ARHGEF17: variants seen among roughly 807,000 people sequenced by gnomAD.
ARHGEF17 encodes 164 kDa Rho-specific guanine-nucleotide exchange factor.
ARHGEF17 carries 80 observed loss-of-function variants against 174.0 expected under a neutral mutation model. The ratio of observed to expected loss-of-function variants is 0.46; its 90% CI spans 0.38 to 0.55. The LOEUF is 0.55. Ranked by LOEUF, ARHGEF17 falls within the 20% of genes least tolerant of loss-of-function variation. The pLI, the probability that ARHGEF17 is intolerant of heterozygous loss-of-function variation, is 0.00. For missense variants in ARHGEF17, 2,886 were observed against 2,839.7 expected (o/e 1.02, Z -0.37); for synonymous variants, 1,311 against 1,189.1 (o/e 1.10, Z -2.11).
chr11:73,355,969 G>A lies in ARHGEF17; in HGVS notation c.3663+16G>A, dbSNP rs1865630608. On this transcript the variant is annotated intron_variant, in intron 5 of 20. Transcript: ENST00000263674. ...TCTGGTGAAGGTGGGCATGGACCTGGGTGGGCAAGTGGGCAAGGCCTGGAA... is the reference window on the plus strand; with the variant it reads ...TCTGGTGAAGGTGGGCATGGACCTGAGTGGGCAAGTGGGCAAGGCCTGGAA... The A allele has an allele frequency of 6.2e-7, 1 of 1,613,908 alleles. No homozygotes were observed. Among genetic ancestry groups the A allele is most frequent in the Non-Finnish European group, 8.5e-7 (1 of 1,179,992 alleles).
rs767783293 is a variant in ARHGEF17, at chr11:73,365,105, C to T, written c.5551-285C>T. 4.0e-5 allele frequency: 17 copies of T among 427,664 alleles called. No homozygotes were observed. The highest frequency in any genetic ancestry group is 7.2e-5 in the Non-Finnish European group (17 of 235,954). The allele number at this position is 427,664 out of a possible 1,614,324, so 26.5% of individuals were successfully genotyped here. ...CCTTTCCCTTCTAGGCTTCAGCTTC[C>T]CCACCTGTCCAGGGGGAGGCCAGTG... On this transcript the variant is annotated intron_variant, in intron 18 of 20. Coordinates refer to ENST00000263674, the MANE Select transcript of ARHGEF17 (RefSeq NM_014786.4). This position sits in a 1 kb window ranked among gnomAD's most constrained non-coding sequence, Gnocchi z 4.9.
At chr11:73,349,460 C>T (rs1485058359) in intron 2 of ARHGEF17, among the ~76,000 whole-genome samples, 5 of 152,032 alleles carry the variant, frequency 3.3e-5, no homozygotes, top group Non-Finnish European at 2.9e-5. Context: ...ACTAGAAATA[C>T]AAAAATCAGC....
chr11:73,316,616 C>T (rs1490651157), intron 1 of ARHGEF17, among the ~76,000 whole-genome samples: 2 of 152,132 alleles, frequency 1.3e-5, no homozygotes, highest in Non-Finnish European at 2.9e-5. Context: ...ACAGCAGATG[C>T]AAAGGCACTG....
intron 3 of ARHGEF17, among the ~76,000 whole-genome samples, chr11:73,355,259 C>A (rs1865617218): frequency 6.6e-6 from 1 of 152,206 alleles, no homozygotes; most frequent in South Asian, 2.1e-4. Context: ...AGAACCAGGT[C>A]TGAGCTCACA....
chr11:73,341,260 T>G (rs1865363359), intron 1 of ARHGEF17, among the ~76,000 whole-genome samples: 1 of 152,200 alleles, frequency 6.6e-6, no homozygotes. Context: ...CAGGGAGGGC[T>G]TCCCTAAGGA....
Sources: allele counts gnomAD v4.1 joint callset (sites outside exome capture counted in the v4.1 genomes callset), GRCh38; gene constraint gnomAD v4.1.1; non-coding constraint Gnocchi (gnomAD v3.1); transcripts MANE v1.5; gene names NCBI Gene and HGNC (gene_info 2026-07-23, HGNC 2026-07-21).